Variants in SEL1L2 observed in about 807,000 individuals in gnomAD.
SEL1L2 encodes protein sel-1 homolog 2.
In SEL1L2, 89 loss-of-function variants were observed where a neutral mutation model predicts 98.8. The ratio of observed to expected loss-of-function variants is 0.90; its 90% confidence interval spans 0.76 to 1.07. SEL1L2 has a LOEUF of 1.07. SEL1L2 is among the 50% of genes least tolerant of loss of function. The pLI is 0.00. For missense variants in SEL1L2, 788 were observed against 812.0 expected, an observed-to-expected ratio of 0.97 and a Z score of 0.36; for synonymous variants, 262 against 278.5, an observed-to-expected ratio of 0.94 and a Z score of 0.59.
chr20:13,895,836 C>T (rs983647100), intron 5 of SEL1L2, among the ~76,000 whole-genome samples: 3 of 152,190 alleles, frequency 2.0e-5, no homozygotes, highest in East Asian at 1.9e-4. Context: ...TGATCTTACA[C>T]GTAGAATTCC....
In SEL1L2 at chr20:13,966,421, C is replaced by T. The variant is rs552041401; in HGVS notation, c.59-10290G>A. Reference sequence around the variant, plus strand: ...GCAACCTCTGCCTCCTAGGTTCAAGCGATTCTCCTGCCTCAGCCTCTTGAG... The same window carrying T: ...GCAACCTCTGCCTCCTAGGTTCAAGTGATTCTCCTGCCTCAGCCTCTTGAG... On this transcript the variant is annotated intron_variant, in intron 1 of 19. Coordinates refer to ENST00000284951, the MANE Select transcript of SEL1L2 (RefSeq NM_025229.2). Among the ~76,000 whole-genome samples the T allele has an allele frequency of 1.4e-4, 22 of 152,156 alleles. No individual in the cohort carries two copies. In the South Asian group the frequency reaches 4.2e-3, roughly 29 times the overall value.
intron 14 of SEL1L2, among the ~76,000 whole-genome samples, chr20:13,867,998 G>A (rs2046005727): frequency 6.6e-6 from 1 of 151,996 alleles, no homozygotes; most frequent in African/African-American, 2.4e-5. Flanking sequence ...ACTTGGTGGG[G>A]ATACTCAGGT....
chr20:13,869,637 C>A lies in SEL1L2; in HGVS notation c.1168-47G>T, dbSNP rs55724284. On this transcript the variant is annotated intron_variant, in intron 13 of 19. Transcript: ENST00000284951. ...TTACTCAAAGGCACAAGTAAAACTC[C>A]ATGGAAACAATTGCCTTCCACTTCT... 2,143 of 1,458,942 alleles carry A rather than the reference C, an allele frequency of 1.5e-3. 5 individuals carry two copies. The highest frequency in any genetic ancestry group is 1.6e-3 in the Non-Finnish European group (1,713 of 1,039,658). The allele number at this position is 1,458,942 out of a possible 1,614,324, so 90.4% of individuals were successfully genotyped here. A position where few individuals can be genotyped will look rare whatever the true frequency, so the allele number is the denominator to read the frequency against.
At chr20:13,959,669 A>G (rs1170252063) in intron 1 of SEL1L2, among the ~76,000 whole-genome samples, 2 of 152,230 alleles carry the variant, frequency 1.3e-5, no homozygotes, top group East Asian at 3.8e-4. Context: ...AAATGCCTCT[A>G]CAACCAGCAA....
rs932473930 is a variant in SEL1L2 at position 13,870,118 on chromosome 20, GATA to G, written c.1167+20_1167+22del. The G allele has an allele frequency of 6.6e-7, 1 of 1,513,466 alleles. No homozygotes were observed. Among genetic ancestry groups the G allele is most frequent in the Non-Finnish European group, 9.1e-7 (1 of 1,098,988 alleles). The allele number at this position is 1,513,466 out of a possible 1,614,324, so 93.8% of individuals were successfully genotyped here. A position where few individuals can be genotyped will look rare whatever the true frequency, so the allele number is the denominator to read the frequency against. On this transcript the variant is annotated intron_variant, in intron 13 of 19. Coordinates refer to ENST00000284951, the MANE Select transcript of SEL1L2 (RefSeq NM_025229.2). ...CCCTGTAAATTGCTACAAATAAAAA[GATA>G]ATAAAATAATTTAACTTACCAGGGG...
intron 14 of SEL1L2, among the ~76,000 whole-genome samples, chr20:13,867,183 G>A (rs973072453): frequency 5.3e-5 from 8 of 152,122 alleles, no homozygotes; most frequent in South Asian, 2.1e-4. Flanking sequence ...GACCCGAAGC[G>A]CCACCATGAT....
At chr20:13,925,292 G>T (rs2048840606) in intron 3 of SEL1L2, among the ~76,000 whole-genome samples, 1 of 152,158 alleles carries the variant, frequency 6.6e-6, no homozygotes, top group African/African-American at 2.4e-5. Context: ...CTTCTGTCAG[G>T]TTTCCAGAGT....
intron 2 of SEL1L2, among the ~76,000 whole-genome samples, chr20:13,943,902 C>CAA (rs2049894973): frequency 6.6e-6 from 1 of 151,954 alleles, no homozygotes; most frequent in Admixed American, 6.6e-5. Context: ...GGTGGGCTTG[C>CAA]AAAAAGCACC....
At chr20:13,886,099 T>C (rs924311803) in intron 9 of SEL1L2, among the ~76,000 whole-genome samples, 189 bp downstream of exon 9, 1 of 152,030 alleles carries the variant, frequency 6.6e-6, no homozygotes, top group African/African-American at 2.4e-5. Flanking sequence ...TTATGGCAAC[T>C]AGTTCTCCAG....
chr20:13,914,572 G>A (rs898918159), intron 4 of SEL1L2, among the ~76,000 whole-genome samples: 1 of 152,176 alleles, frequency 6.6e-6, no homozygotes. Flanking sequence ...ACTAGTTGGA[G>A]AACTTCAGCC....
chr20:13,886,943 A>G (rs2046983087), intron 8 of SEL1L2, among the ~76,000 whole-genome samples: 1 of 152,156 alleles, frequency 6.6e-6, no homozygotes, highest in African/African-American at 2.4e-5. Flanking sequence ...CTTCTTTGCA[A>G]CCTATACAAG....
At chr20:13,862,576 T>C (rs980287537) in intron 17 of SEL1L2, among the ~76,000 whole-genome samples, 1 of 152,234 alleles carries the variant, frequency 6.6e-6, no homozygotes, top group Non-Finnish European at 1.5e-5. Flanking sequence ...AGTTCTAATC[T>C]TCTAGAATCT....
chr20:13,918,758 G>T (rs2048518541), intron 4 of SEL1L2, among the ~76,000 whole-genome samples: 1 of 152,172 alleles, frequency 6.6e-6, no homozygotes, highest in African/African-American at 2.4e-5. Flanking sequence ...CAATATTTCT[G>T]CATGAATGCT....
intron 12 of SEL1L2, among the ~76,000 whole-genome samples, chr20:13,872,238 T>A (rs2046236563): frequency 6.6e-6 from 1 of 152,204 alleles, no homozygotes; most frequent in Non-Finnish European, 1.5e-5. Context: ...TGTCTTCTTC[T>A]AATTAGCCTT....
intron 2 of SEL1L2, among the ~76,000 whole-genome samples, chr20:13,944,063 G>A (rs911266916): frequency 2.6e-5 from 4 of 152,046 alleles, no homozygotes; most frequent in African/African-American, 2.4e-5. Context: ...CTTGAAGGTT[G>A]GGTCTCACCA....
chr20:13,941,756 T>C (rs1274266132), intron 2 of SEL1L2, among the ~76,000 whole-genome samples: 1 of 152,152 alleles, frequency 6.6e-6, no homozygotes, highest in African/African-American at 2.4e-5. Context: ...ATATGAAACA[T>C]TAAATGTATT....
intron 14 of SEL1L2, among the ~76,000 whole-genome samples, chr20:13,867,665 G>C (rs146910807): frequency 5.3e-5 from 8 of 151,834 alleles, no homozygotes; most frequent in African/African-American, 1.9e-4. Context: ...ATACCCGGTA[G>C]ATGTTGAGAG....
intron 2 of SEL1L2, among the ~76,000 whole-genome samples, chr20:13,935,081 C>G (rs111941791): frequency 6.6e-6 from 1 of 152,298 alleles, no homozygotes; most frequent in African/African-American, 2.4e-5. Flanking sequence ...CTGTGACTGT[C>G]TGATGTTTCT....
At chr20:13,942,916 C>A (rs762429670) in intron 2 of SEL1L2, among the ~76,000 whole-genome samples, 16 of 152,042 alleles carry the variant, frequency 1.1e-4, no homozygotes, top group Non-Finnish European at 1.9e-4. Flanking sequence ...GACTTGATGT[C>A]TTTTATTTTT....
Sources: gnomAD v4.1 joint callset for allele counts (sites outside exome capture counted in the v4.1 genomes callset) on GRCh38, gnomAD v4.1.1 for gene constraint, MANE v1.5 for transcripts, NCBI Gene and HGNC (gene_info 2026-07-23, HGNC 2026-07-21) for gene names.